DLGAP4: variants seen among roughly 807,000 people sequenced by gnomAD.
The protein encoded by DLGAP4 is disks large-associated protein 4.
A neutral mutation model predicts 86.9 loss-of-function variants in DLGAP4; 18 were observed. The ratio of observed to expected loss-of-function variants is 0.21; its 90% CI spans 0.14 to 0.31. The LOEUF (loss-of-function observed/expected upper bound fraction) is 0.31. Ranked by LOEUF, DLGAP4 falls within the 10% of genes least tolerant of loss-of-function variation. The probability of loss-of-function intolerance (pLI) is 1.00; values close to 1 mark genes in which losing one functional copy is unlikely to be tolerated. For missense variants in DLGAP4, 1,085 were observed against 1,362.6 expected, an observed-to-expected ratio of 0.80 and a Z score of 3.21; for synonymous variants, 548 against 574.3, an observed-to-expected ratio of 0.95 and a Z score of 0.65.
intron 11 of DLGAP4, among the ~76,000 whole-genome samples, chr20:36,524,788 G>C (rs6127892): frequency 1.3e-5 from 2 of 152,054 alleles, no homozygotes; most frequent in Non-Finnish European, 2.9e-5. Flanking sequence ...TGTAATCCCA[G>C]CTACTCGGGA....
At chr20:36,417,347 C>G (rs953958273) in intron 2 of DLGAP4, among the ~76,000 whole-genome samples, 1 of 148,790 alleles carries the variant, frequency 6.7e-6, no homozygotes, top group African/African-American at 2.5e-5. Flanking sequence ...GTGGGCTGAG[C>G]AGGCTGGAGT....
chr20:36,394,525 C>T (rs764689369), intron 2 of DLGAP4, among the ~76,000 whole-genome samples: 15 of 152,182 alleles, frequency 9.9e-5, no homozygotes, highest in Non-Finnish European at 1.8e-4. Flanking sequence ...TGCAGTGAGC[C>T]GGGGCTGTGT....
chr20:36,464,274 A>C (rs997643032), intron 7 of DLGAP4, among the ~76,000 whole-genome samples: 1 of 152,176 alleles, frequency 6.6e-6, no homozygotes, highest in Non-Finnish European at 1.5e-5. Context: ...GAATCCCTCA[A>C]GAATTGTGTG....
At chr20:36,414,302 C>A (rs2032592294) in intron 2 of DLGAP4, among the ~76,000 whole-genome samples, 1 of 152,168 alleles carries the variant, frequency 6.6e-6, no homozygotes, top group East Asian at 1.9e-4. Flanking sequence ...CTGCGTCGTC[C>A]CCCTTCCCAG....
At chr20:36,462,621 T>C in intron 7 of DLGAP4, 1 of 1,586,648 alleles carries the variant, frequency 6.3e-7, no homozygotes, top group Non-Finnish European at 8.6e-7. Flanking sequence ...GGTGTCCGGG[T>C]CGGGCCGGAG....
rs144075593 is a variant in DLGAP4 at position 36,452,281 on chromosome 20, C to T, written c.1648+5344C>T. 5.0e-3 allele frequency among the ~76,000 whole-genome samples: 758 copies of T among 150,848 alleles called. 8 individuals carry two copies. Among genetic ancestry groups the T allele is most frequent in the African/African-American group, 0.018 (730 of 41,112 alleles). ...ATAGCCTCAACCTCCCAGGCTCAAG[C>T]GATCCTCCTGCCTCAGCCTCCCGAG... On this transcript the variant is annotated intron_variant, in intron 7 of 12. Transcript: ENST00000339266.
At chr20:36,380,456 C>T (rs1356972085) in intron 2 of DLGAP4, among the ~76,000 whole-genome samples, 2 of 151,896 alleles carry the variant, frequency 1.3e-5, no homozygotes, top group Non-Finnish European at 2.9e-5. Context: ...GGCATGGTGG[C>T]ACATTCCTGT....
intron 1 of DLGAP4, among the ~76,000 whole-genome samples, chr20:36,323,263 C>G (rs1249588164): frequency 6.6e-6 from 1 of 151,820 alleles, no homozygotes; most frequent in African/African-American, 2.4e-5. Flanking sequence ...AATTAATTCC[C>G]CACCTCCCTT....
intron 9 of DLGAP4, among the ~76,000 whole-genome samples, 200 bp from the exon 10 acceptor site, chr20:36,499,999 G>A (rs1317316805): frequency 6.6e-6 from 1 of 152,200 alleles, no homozygotes; most frequent in African/African-American, 2.4e-5. Context: ...GTGTGTGTGC[G>A]TGTGGGCTTG....
At chr20:36,372,189 T>G (rs189128455) in intron 2 of DLGAP4, among the ~76,000 whole-genome samples, 1 of 152,352 alleles carries the variant, frequency 6.6e-6, no homozygotes, top group East Asian at 1.9e-4. Flanking sequence ...GCTAGGGCAG[T>G]ACCAGGCTTG....
At chr20:36,417,480 C>T (rs1178789105) in intron 2 of DLGAP4, among the ~76,000 whole-genome samples, 3 of 152,086 alleles carry the variant, frequency 2.0e-5, no homozygotes, top group Non-Finnish European at 4.4e-5. Flanking sequence ...CTCCCAGGCT[C>T]AAGCAATCTT....
chr20:36,356,329 T>G (rs2030325766), intron 1 of DLGAP4, among the ~76,000 whole-genome samples: 1 of 149,218 alleles, frequency 6.7e-6, no homozygotes, highest in Non-Finnish European at 1.5e-5. Context: ...TTGTTTGTTT[T>G]GAGACGGAGT....
In DLGAP4 at chr20:36,477,470, A is replaced by C. The variant is rs371263497; in HGVS notation, c.1649-19235A>C. Among the ~76,000 whole-genome samples, 14 of 152,350 alleles carry C rather than the reference A, an allele frequency of 9.2e-5. No homozygotes were observed. In the East Asian group the frequency reaches 2.5e-3, roughly 27 times the overall value. On this transcript the variant is annotated intron_variant, in intron 7 of 12. Coordinates refer to ENST00000339266, the MANE Select transcript of DLGAP4 (RefSeq NM_001365621.2). ...TCCTGGCAGAATTGCTAAGGGACTG[A>C]TCATCTGGGAGAGCCTCCTCTGCAG... is the stretch of plus-strand genomic sequence containing the variant.
Position 36,526,908 on chromosome 20 carries a change from G to A in DLGAP4, c.2856G>A (p.Gln952=), listed in dbSNP as rs766366030. Residue 952 remains glutamine (Q), a synonymous_variant, in exon 13 of 13, where the codon CAG becomes CAA. Transcript: ENST00000339266. ...RDKASDASDK[Q]RQEARKRLLA... is the part of the protein sequence containing the mutation. ...AGGCCTCAGACGCCAGCGACAAGCA[G>A]CGCCAGGAGGCCCGCAAGAGACTCC... 6.2e-6 allele frequency: 10 copies of A among 1,613,562 alleles called. No individual in the cohort carries two copies. The highest frequency in any genetic ancestry group is 5.0e-5 in the Admixed American group (3 of 59,940).
At position 36,350,701 on chromosome 20, in the gene DLGAP4, G is replaced by A. The variant is rs1449646104; in HGVS notation, c.-303-16344G>A. On this transcript the variant is annotated intron_variant, in intron 1 of 12. Transcript: ENST00000339266. This position sits in a 1 kb window ranked among gnomAD's most constrained non-coding sequence, Gnocchi z 4.4. ...TCTGCACACAGTAGGTGATCACAAA[G>A]TGCTTCTCACAGCAGATGGCAGAGA... is the stretch of plus-strand genomic sequence containing the variant. Among the ~76,000 whole-genome samples, 1 of 152,244 alleles carries A rather than the reference G, an allele frequency of 6.6e-6. No individual in the cohort carries two copies. The highest frequency in any genetic ancestry group is 2.4e-5 in the African/African-American group (1 of 41,464).
chr20:36,395,687 C>CAGGA (rs2031925808), intron 2 of DLGAP4, among the ~76,000 whole-genome samples: 1 of 152,018 alleles, frequency 6.6e-6, no homozygotes, highest in Non-Finnish European at 1.5e-5. Context: ...TTAGTAGAGA[C>CAGGA]AGGATTTCAC....
At chr20:36,457,224 CT>C (rs112924134) in intron 7 of DLGAP4, among the ~76,000 whole-genome samples, 2,747 of 143,796 alleles carry the variant, frequency 0.019, 88 homozygotes, top group African/African-American at 0.062. Context: ...TGAGTGAAGA[CT>C]TTTTTTTTTT....
intron 2 of DLGAP4, among the ~76,000 whole-genome samples, chr20:36,407,330 T>A (rs112904005): frequency 1.3e-5 from 2 of 152,262 alleles, no homozygotes; most frequent in African/African-American, 4.8e-5. Context: ...CTTCAGTGAA[T>A]GGTGTTCCCC....
At chr20:36,497,165 G>A in intron 8 of DLGAP4, 99 bp downstream of exon 8, 1 of 1,501,314 alleles carries the variant, frequency 6.7e-7, no homozygotes, top group Non-Finnish European at 8.9e-7. Context: ...CCTGGGAAAA[G>A]GTGGTTTGTC....
Sources: gnomAD v4.1 joint callset for allele counts (sites outside exome capture counted in the v4.1 genomes callset) on GRCh38, gnomAD v4.1.1 for gene constraint, Gnocchi (gnomAD v3.1) non-coding constraint, MANE v1.5 for transcripts, NCBI Gene and HGNC (gene_info 2026-07-23, HGNC 2026-07-21) for gene names.